BORCS5: variants seen among roughly 807,000 people sequenced by gnomAD.
BORCS5 encodes BLOC-1 related complex subunit 5.
In BORCS5, 17 loss-of-function variants were observed where a neutral mutation model predicts 22.1. The observed-to-expected ratio is 0.77, with a 90% confidence interval of 0.53 to 1.15. The LOEUF (loss-of-function observed/expected upper bound fraction) is 1.15. Among genes scored for constraint, BORCS5 ranks in the 50% most tolerant of loss-of-function variants. The pLI, the probability that BORCS5 is intolerant of heterozygous loss-of-function variation, is 0.00. For synonymous variants in BORCS5, 117 were observed against 99.8 expected (o/e 1.17, Z -1.03); for missense variants, 247 against 253.2 (o/e 0.98, Z 0.17).
chr12:12,389,650 T>C (rs1941118256), intron 2 of BORCS5, among the ~76,000 whole-genome samples: 1 of 151,804 alleles, frequency 6.6e-6, no homozygotes. Flanking sequence ...TCGTTTTATG[T>C]ATTTATTTTT....
rs1024553398 is a variant in BORCS5 at position 12,434,273 on chromosome 12, C to G, written c.203-1355C>G. ...ACTCCAGATGGGCAACAGAGCAAGA[C>G]TCTGTCTCAAAAAAAAAAAAAAAAA... On this transcript the variant is annotated intron_variant, in intron 2 of 3. Coordinates refer to ENST00000314565, the MANE Select transcript of BORCS5 (RefSeq NM_058169.6). Among the ~76,000 whole-genome samples, 8 of 113,398 alleles carry G rather than the reference C, an allele frequency of 7.1e-5. 1 individual carries two copies. The East Asian group carries it at 1.6e-3, about 22-fold the overall frequency. The allele number at this position is 113,398 out of a possible 152,430, so 74.4% of individuals were successfully genotyped here.
At chr12:12,416,718 A>G (rs985416798) in intron 2 of BORCS5, among the ~76,000 whole-genome samples, 2 of 151,166 alleles carry the variant, frequency 1.3e-5, no homozygotes, top group African/African-American at 2.4e-5. Flanking sequence ...ACCTCCGCCT[A>G]CTGAGTAGAT....
intron 3 of BORCS5, among the ~76,000 whole-genome samples, chr12:12,452,904 G>A (rs1942937800): frequency 6.6e-6 from 1 of 152,278 alleles, no homozygotes; most frequent in African/African-American, 2.4e-5. Context: ...TCTACTGCAG[G>A]TCAAGTAGCC....
At chr12:12,449,308 T>C (rs1306386046) in intron 3 of BORCS5, among the ~76,000 whole-genome samples, 1 of 152,204 alleles carries the variant, frequency 6.6e-6, no homozygotes, top group East Asian at 1.9e-4. Flanking sequence ...CACCGCTGTC[T>C]TTCATGGGAC....
intron 2 of BORCS5, among the ~76,000 whole-genome samples, chr12:12,412,925 T>TTTA (rs1491404903): frequency 3.6e-5 from 4 of 110,536 alleles, no homozygotes; most frequent in African/African-American, 1.3e-4. Context: ...TTTTTTTTTT[T>TTTA]ATTGATAATT....
intron 3 of BORCS5, among the ~76,000 whole-genome samples, chr12:12,453,328 T>C (rs189261464): frequency 1.3e-5 from 2 of 152,326 alleles, no homozygotes; most frequent in Non-Finnish European, 2.9e-5. Flanking sequence ...CCTTTTGGGG[T>C]TAGTCGATGC....
intron 3 of BORCS5, among the ~76,000 whole-genome samples, chr12:12,460,847 G>A (rs962549588): frequency 1.3e-5 from 2 of 152,246 alleles, no homozygotes; most frequent in Admixed American, 6.5e-5. Context: ...TGGTCATAAT[G>A]TATTATCCTT....
In BORCS5 at chr12:12,422,282, C is replaced by A. The variant is rs970314850; in HGVS notation, c.203-13346C>A. ...ATTTATACCAGCTTAGCTTTCTTTTCTTTTATTTTTTTTTTTAAGTGAAAA... is the reference window on the plus strand; with the variant it reads ...ATTTATACCAGCTTAGCTTTCTTTTATTTTATTTTTTTTTTTAAGTGAAAA... On this transcript the variant is annotated intron_variant, in intron 2 of 3. Transcript: ENST00000314565. Among the ~76,000 whole-genome samples, 6 of 137,772 alleles carry A rather than the reference C, an allele frequency of 4.4e-5. No homozygotes were observed. The South Asian group carries it at 8.9e-4, about 20-fold the overall frequency. The allele number at this position is 137,772 out of a possible 152,430, so 90.4% of individuals were successfully genotyped here.
chr12:12,422,182 G>C (rs1942145585), intron 2 of BORCS5, among the ~76,000 whole-genome samples: 1 of 152,034 alleles, frequency 6.6e-6, no homozygotes, highest in South Asian at 2.1e-4. Flanking sequence ...TGGGCATTTA[G>C]TGCTTATGCT....
chr12:12,384,391 GC>G (rs1348684761), intron 2 of BORCS5, among the ~76,000 whole-genome samples: 1 of 148,584 alleles, frequency 6.7e-6, no homozygotes, highest in African/African-American at 2.5e-5. Context: ...AGTTCTGTGA[GC>G]TTATAATTGC....
At chr12:12,380,237 C>G (rs1453468014) in intron 2 of BORCS5, among the ~76,000 whole-genome samples, 1 of 150,950 alleles carries the variant, frequency 6.6e-6, no homozygotes, top group Admixed American at 6.6e-5. Context: ...GCAAGAATTA[C>G]CAAAATGTGA....
intron 2 of BORCS5, among the ~76,000 whole-genome samples, chr12:12,415,627 C>T (rs1036087033): frequency 5.7e-5 from 8 of 140,258 alleles, no homozygotes; most frequent in South Asian, 2.3e-4. Flanking sequence ...TAGGCTGTTA[C>T]GTGGATTGAT....
intron 3 of BORCS5, among the ~76,000 whole-genome samples, chr12:12,437,562 A>G (rs1942580442): frequency 6.6e-6 from 1 of 152,220 alleles, no homozygotes; most frequent in African/African-American, 2.4e-5. Context: ...AACGATTTGC[A>G]TATTCCCTCA....
chr12:12,378,222 A>G (rs1157136192), intron 2 of BORCS5, among the ~76,000 whole-genome samples: 1 of 152,206 alleles, frequency 6.6e-6, no homozygotes, highest in African/African-American at 2.4e-5. Context: ...AAATACAAAA[A>G]GTAGCTAGGC....
At chr12:12,361,427 A>T (rs973497642) in intron 2 of BORCS5, 78 bp downstream of exon 2, 1 of 1,504,016 alleles carries the variant, frequency 6.6e-7, no homozygotes, top group African/African-American at 1.4e-5. Context: ...CTACTTATCC[A>T]TGTATCTTGC....
intron 3 of BORCS5, among the ~76,000 whole-genome samples, chr12:12,439,354 G>A (rs1942632022): frequency 1.3e-5 from 2 of 152,126 alleles, no homozygotes; most frequent in African/African-American, 4.8e-5. Context: ...TTTGGCGGGC[G>A]ACATGGCTCA....
chr12:12,403,138 T>C (rs920024463), intron 2 of BORCS5, among the ~76,000 whole-genome samples: 2 of 152,162 alleles, frequency 1.3e-5, no homozygotes, highest in African/African-American at 4.8e-5. Flanking sequence ...GGTAGGTATT[T>C]TCCTCATTTG....
intron 3 of BORCS5, among the ~76,000 whole-genome samples, chr12:12,446,327 G>C (rs776041158): frequency 8.5e-5 from 13 of 152,106 alleles, no homozygotes; most frequent in Non-Finnish European, 1.6e-4. Context: ...GACACAGAAG[G>C]CCTTCCCAGA....
chr12:12,434,261 A>G (rs937580209), intron 2 of BORCS5, among the ~76,000 whole-genome samples: 1 of 140,386 alleles, frequency 7.1e-6, no homozygotes, highest in Admixed American at 7.4e-5. Flanking sequence ...CCAGATGGGC[A>G]ACAGAGCAAG....
Sources: allele counts gnomAD v4.1 joint callset (sites outside exome capture counted in the v4.1 genomes callset), GRCh38; gene constraint gnomAD v4.1.1; transcripts MANE v1.5; gene names NCBI Gene and HGNC (gene_info 2026-07-23, HGNC 2026-07-21).